MYO1H: variants seen among roughly 807,000 people sequenced by gnomAD.
MYO1H encodes the protein myosin IH.
A neutral mutation model predicts 149.3 loss-of-function variants in MYO1H; 118 were observed. The ratio of observed to expected loss-of-function variants is 0.79; its 90% CI spans 0.68 to 0.92. The LOEUF (loss-of-function observed/expected upper bound fraction) is 0.92, where lower values mean the gene tolerates loss of function less well. Ranked by LOEUF, MYO1H falls within the 40% of genes least tolerant of loss-of-function variation. MYO1H has a pLI of 0.00. For synonymous variants in MYO1H, 447 were observed against 465.2 expected (o/e 0.96, Z 0.50); for missense variants, 1,212 against 1,280.7 (o/e 0.95, Z 0.82).
chr12:109,398,039 G>A (rs1346819793), intron 5 of MYO1H, among the ~76,000 whole-genome samples: 2 of 152,252 alleles, frequency 1.3e-5, no homozygotes, highest in Non-Finnish European at 2.9e-5. Context: ...TATACCAGGT[G>A]TTGATGAAGA....
At chr12:109,328,719 T>C in the MYO1H span, among the ~76,000 whole-genome samples, 1 of 152,196 alleles carries the variant, frequency 6.6e-6, no homozygotes, top group Non-Finnish European at 1.5e-5. Flanking sequence ...CAGAGACATA[T>C]CTTTTTACCT....
upstream of MYO1H, among the ~76,000 whole-genome samples, chr12:109,345,604 C>T (rs1316011706): frequency 1.3e-5 from 2 of 152,036 alleles, no homozygotes; most frequent in African/African-American, 4.8e-5. Context: ...AATTCCACTC[C>T]TAGGTATATA....
At chr12:109,327,046 G>A in the MYO1H span, among the ~76,000 whole-genome samples, 2 of 151,906 alleles carry the variant, frequency 1.3e-5, no homozygotes, top group African/African-American at 2.4e-5. Flanking sequence ...GCAAGGAGGA[G>A]GAGGGAACTC....
chr12:109,372,546 T>A (rs1297565629), intron 1 of MYO1H, among the ~76,000 whole-genome samples: 4 of 152,078 alleles, frequency 2.6e-5, no homozygotes, highest in African/African-American at 9.7e-5. Flanking sequence ...TTGGGATAAG[T>A]TCTATTCTTT....
At chr12:109,337,823 A>G in the MYO1H span, among the ~76,000 whole-genome samples, 3 of 152,150 alleles carry the variant, frequency 2.0e-5, no homozygotes, top group Admixed American at 6.5e-5. Flanking sequence ...AGAAGTTTTA[A>G]TCTGAGGGTA....
chr12:109,351,776 G>A (rs376568516), intron 1 of MYO1H, among the ~76,000 whole-genome samples: 21 of 152,250 alleles, frequency 1.4e-4, no homozygotes, highest in South Asian at 6.2e-4. Context: ...TTCTTAAGCC[G>A]AAAACACGGA....
chr12:109,415,467 C>G, intron 14 of MYO1H, 59 bp from the exon 15 acceptor site: 2 of 1,484,012 alleles, frequency 1.3e-6, no homozygotes, highest in Non-Finnish European at 1.8e-6. Flanking sequence ...CAGAGCAAGA[C>G]GCCATCTCAA....
the MYO1H span, among the ~76,000 whole-genome samples, chr12:109,341,188 C>CAAAAA: frequency 1.2e-5 from 1 of 81,150 alleles, no homozygotes; most frequent in Non-Finnish European, 2.0e-5. Context: ...GACTCCATCT[C>CAAAAA]GAAAAAAAAA....
chr12:109,422,995 T>G (rs936282379), intron 16 of MYO1H, among the ~76,000 whole-genome samples: 1 of 151,870 alleles, frequency 6.6e-6, no homozygotes. Flanking sequence ...GGTAGGGGGA[T>G]TGCTTGAGCC....
chr12:109,435,290 T>G (rs1017644431), intron 21 of MYO1H, among the ~76,000 whole-genome samples, 177 bp downstream of exon 21: 1 of 152,210 alleles, frequency 6.6e-6, no homozygotes, highest in African/African-American at 2.4e-5. Flanking sequence ...AATGACTGCT[T>G]GGAGGTCAGT....
rs962058201 is a variant in MYO1H at position 109,433,011 on chromosome 12, G to T, written c.2063+1G>T. ...AACCCGAGGAATACAAGTTAGGCAA[G>T]TAAGTGACCAGAAGACCACCAAATG... On this transcript the variant is annotated splice_donor_variant, in intron 20 of 31. Coordinates refer to ENST00000310903, the Ensembl canonical transcript of MYO1H. LOFTEE classifies it high-confidence loss of function. The T allele has an allele frequency of 1.1e-5, 18 of 1,612,784 alleles. No individual in the cohort carries two copies. The highest frequency in any genetic ancestry group is 1.4e-5 in the Non-Finnish European group (17 of 1,178,776).
intron 1 of MYO1H, among the ~76,000 whole-genome samples, chr12:109,365,236 A>T (rs1386658752): frequency 6.6e-6 from 1 of 152,062 alleles, no homozygotes; most frequent in Non-Finnish European, 1.5e-5. Flanking sequence ...AGATTGTGCC[A>T]CTACACTCCA....
intron 19 of MYO1H, among the ~76,000 whole-genome samples, chr12:109,429,477 CTA>C (rs1388476114): frequency 6.6e-6 from 1 of 152,002 alleles, no homozygotes; most frequent in Non-Finnish European, 1.5e-5. Context: ...GCAATATAGT[CTA>C]ATATCTATTT....
chr12:109,365,970 C>G (rs1408235877), intron 1 of MYO1H, among the ~76,000 whole-genome samples: 1 of 152,128 alleles, frequency 6.6e-6, no homozygotes, highest in Admixed American at 6.5e-5. Flanking sequence ...GATTGTGAAG[C>G]CTGTTGTGAA....
At chr12:109,330,849 C>T in the MYO1H span, among the ~76,000 whole-genome samples, 4 of 152,040 alleles carry the variant, frequency 2.6e-5, no homozygotes, top group Non-Finnish European at 4.4e-5. Flanking sequence ...TTACAGTTGT[C>T]GTCTTGTGTC....
At chr12:109,344,148 C>A (rs2048095175), upstream of MYO1H, among the ~76,000 whole-genome samples, 1 of 152,076 alleles carries the variant, frequency 6.6e-6, no homozygotes. Context: ...ATTGGGAAGA[C>A]CACAGAGGCA....
At chr12:109,388,740 C>T (rs1869500218) in exon 2 of MYO1H, 2 of 1,611,068 alleles carry the variant, frequency 1.2e-6, no homozygotes, top group South Asian at 1.1e-5. Flanking sequence ...GCTGACTGCC[C>T]GGGACAAGGT....
intron 15 of MYO1H, among the ~76,000 whole-genome samples, chr12:109,420,415 C>T (rs1236705263): frequency 1.3e-5 from 2 of 152,122 alleles, no homozygotes; most frequent in Non-Finnish European, 2.9e-5. Flanking sequence ...ACTCAAAGTT[C>T]ATCAGGCTGT....
chr12:109,361,813 C>CAAAAAAA (rs35915417), intron 1 of MYO1H, among the ~76,000 whole-genome samples: 3 of 56,826 alleles, frequency 5.3e-5, no homozygotes, highest in African/African-American at 6.8e-5. Context: ...CCTTGTCTCA[C>CAAAAAAA]AAAAAAAAAA....
Sources: gnomAD v4.1 joint callset for allele counts (sites outside exome capture counted in the v4.1 genomes callset) on GRCh38, gnomAD v4.1.1 for gene constraint, MANE v1.5 for transcripts, NCBI Gene and HGNC (gene_info 2026-07-23, HGNC 2026-07-21) for gene names.